The following PRKD1 variants were observed in gnomAD, a reference collection of about 807,000 sequenced individuals.
The protein encoded by PRKD1 is serine/threonine-protein kinase D1.
Under a neutral mutation model 95.9 loss-of-function variants are expected in PRKD1, and 63 were observed. The ratio of observed to expected loss-of-function variants is 0.66; its 90% confidence interval spans 0.54 to 0.81. The LOEUF (loss-of-function observed/expected upper bound fraction) is 0.81. PRKD1 is among the 30% of genes least tolerant of loss of function. The pLI is 0.00. For missense variants in PRKD1, 1,048 were observed against 1,165.3 expected (o/e 0.90, Z 1.47); for synonymous variants, 425 against 423.1 (o/e 1.00, Z -0.05).
intron 1 of PRKD1, among the ~76,000 whole-genome samples, chr14:29,888,308 G>A (rs1187968358): frequency 6.7e-6 from 1 of 148,324 alleles, no homozygotes; most frequent in Non-Finnish European, 1.5e-5. Context: ...AAGAGAGAAA[G>A]GGAAAGAAAA....
chr14:29,740,078 C>G (rs1886918725), intron 1 of PRKD1, among the ~76,000 whole-genome samples: 2 of 152,040 alleles, frequency 1.3e-5, no homozygotes, highest in African/African-American at 4.8e-5. Context: ...TTGCATTATA[C>G]CTTGACAGAT....
At chr14:29,886,204 G>C (rs1893700622) in intron 1 of PRKD1, among the ~76,000 whole-genome samples, 1 of 152,158 alleles carries the variant, frequency 6.6e-6, no homozygotes, top group South Asian at 2.1e-4. Flanking sequence ...GTAAGTACTA[G>C]CTGCTGGCAA....
chr14:29,851,506 T>C (rs1327468710), intron 1 of PRKD1, among the ~76,000 whole-genome samples: 1 of 151,848 alleles, frequency 6.6e-6, no homozygotes. Context: ...TCAGAAAAAT[T>C]CAAATCAAAA....
intron 1 of PRKD1, among the ~76,000 whole-genome samples, chr14:29,899,073 T>A (rs1894228720): frequency 6.6e-6 from 1 of 152,214 alleles, no homozygotes; most frequent in African/African-American, 2.4e-5. Flanking sequence ...TATATCAAGA[T>A]TAGCATTTGC....
chr14:29,638,655 G>C (rs1384716017), intron 5 of PRKD1, 39 bp downstream of exon 5: 2 of 1,611,378 alleles, frequency 1.2e-6, no homozygotes, highest in East Asian at 4.5e-5. Flanking sequence ...AGATGAATGA[G>C]GGTGATCAAA....
rs930988017 is a variant in PRKD1 at position 29,630,546 on chromosome 14, T to G, written c.1672+196A>C. 4 of 638,808 alleles carry G rather than the reference T, an allele frequency of 6.3e-6. No homozygotes were observed. In the African/African-American group the frequency reaches 7.3e-5, roughly 12 times the overall value. 39.6% of individuals were successfully genotyped at this position (638,808 alleles called of 1,614,324 possible). A position where few individuals can be genotyped will look rare whatever the true frequency, so the allele number is the denominator to read the frequency against. ...TTAATATAAAATAGCTATAATAAAATAGGATAATTTAACAAACTAAACATC... is the reference window on the plus strand; with the variant it reads ...TTAATATAAAATAGCTATAATAAAAGAGGATAATTTAACAAACTAAACATC... On this transcript the variant is annotated intron_variant, in intron 10 of 17. Transcript: ENST00000331968.
chr14:29,790,569 A>G (rs2139192627), intron 1 of PRKD1, among the ~76,000 whole-genome samples: 1 of 152,184 alleles, frequency 6.6e-6, no homozygotes, highest in South Asian at 2.1e-4. Flanking sequence ...ATGATTTCCC[A>G]ATGTCTATGC....
At chr14:29,761,499 A>G (rs1365320723) in intron 1 of PRKD1, among the ~76,000 whole-genome samples, 1 of 152,182 alleles carries the variant, frequency 6.6e-6, no homozygotes, top group Non-Finnish European at 1.5e-5. Flanking sequence ...TGTTTTCAGT[A>G]TCTGCTGAGA....
chr14:29,645,958 T>C (rs1488210591), intron 4 of PRKD1, among the ~76,000 whole-genome samples: 1 of 152,144 alleles, frequency 6.6e-6, no homozygotes, highest in East Asian at 1.9e-4. Flanking sequence ...GTTTACTGGA[T>C]TTTTACTGTC....
chr14:29,578,569 A>G (rs201699905), intron 16 of PRKD1, among the ~76,000 whole-genome samples: 10 of 148,640 alleles, frequency 6.7e-5, no homozygotes, highest in South Asian at 6.3e-4. Context: ...AAAAAAAAAA[A>G]AAGAAGAAGT....
intron 2 of PRKD1, among the ~76,000 whole-genome samples, chr14:29,718,686 AT>A (rs1224462090): frequency 6.6e-6 from 1 of 152,182 alleles, no homozygotes; most frequent in African/African-American, 2.4e-5. Context: ...GTTAGAGAAG[AT>A]TTGGCTCCAT....
chr14:29,910,206 C>T (rs896487063), intron 1 of PRKD1, among the ~76,000 whole-genome samples: 1 of 152,118 alleles, frequency 6.6e-6, no homozygotes, highest in African/African-American at 2.4e-5. Flanking sequence ...AGACCATGAA[C>T]CTACTGGGAG....
intron 13 of PRKD1, among the ~76,000 whole-genome samples, chr14:29,620,443 A>G (rs1879169983): frequency 6.7e-6 from 1 of 148,846 alleles, no homozygotes; most frequent in African/African-American, 2.5e-5. Context: ...AAGGGCTAAT[A>G]TCCAGAATCT....
chr14:29,830,259 T>C (rs528810016), intron 1 of PRKD1, among the ~76,000 whole-genome samples: 126 of 152,320 alleles, frequency 8.3e-4, no homozygotes, highest in African/African-American at 2.9e-3. Context: ...ATAAAGTAGA[T>C]ACAGTGTACT....
rs59229771 is a variant in PRKD1 at position 29,702,458 on chromosome 14, C to T, written c.403+23078G>A. 3.1e-3 allele frequency among the ~76,000 whole-genome samples: 466 copies of T among 152,100 alleles called. 2 individuals are homozygous for T. The highest frequency in any genetic ancestry group is 0.011 in the African/African-American group (450 of 41,552). ...TCCCTGTTATATGAGGTACTTGATA[C>T]AGGTTAAGAAAGTTTATCTTTATTC... is the stretch of plus-strand genomic sequence containing the variant. On this transcript the variant is annotated intron_variant, in intron 2 of 17. Coordinates refer to ENST00000331968, the MANE Select transcript of PRKD1 (RefSeq NM_002742.3).
chr14:29,740,071 C>CAG (rs1886917897), intron 1 of PRKD1, among the ~76,000 whole-genome samples: 2 of 152,094 alleles, frequency 1.3e-5, no homozygotes, highest in African/African-American at 4.8e-5. Flanking sequence ...TATTATCTTG[C>CAG]ATTATACCTT....
At chr14:29,639,236 A>G (rs1880593395) in intron 4 of PRKD1, among the ~76,000 whole-genome samples, 3 of 152,342 alleles carry the variant, frequency 2.0e-5, no homozygotes, top group African/African-American at 4.8e-5. Flanking sequence ...TGCAAATATT[A>G]TATCATTGAC....
At chr14:29,713,212 A>G (rs1436187878) in intron 2 of PRKD1, among the ~76,000 whole-genome samples, 1 of 152,180 alleles carries the variant, frequency 6.6e-6, no homozygotes, top group Non-Finnish European at 1.5e-5. Context: ...GGGCATTCCA[A>G]TATGACCTCT....
intron 1 of PRKD1, among the ~76,000 whole-genome samples, chr14:29,872,760 A>G (rs921333594): frequency 3.3e-5 from 5 of 152,156 alleles, no homozygotes; most frequent in African/African-American, 9.7e-5. Context: ...GAACAAATCA[A>G]TCTACAAAAG....
Sources: gnomAD v4.1 joint callset for allele counts (sites outside exome capture counted in the v4.1 genomes callset) on GRCh38, gnomAD v4.1.1 for gene constraint, MANE v1.5 for transcripts, NCBI Gene and HGNC (gene_info 2026-07-23, HGNC 2026-07-21) for gene names.